PHLPP2: variants seen among roughly 807,000 people sequenced by gnomAD.
PHLPP2 encodes the protein PH domain and leucine rich repeat protein phosphatase 2.
A neutral mutation model predicts 124.9 loss-of-function variants in PHLPP2; 66 were observed. That is an observed-to-expected ratio of 0.53 (90% CI 0.43 to 0.65). PHLPP2 has a LOEUF of 0.65. Among genes scored for constraint, PHLPP2 ranks in the 30% least tolerant of loss-of-function variants. The pLI, the probability that PHLPP2 is intolerant of heterozygous loss-of-function variation, is 0.00. For synonymous variants in PHLPP2, 681 were observed against 624.7 expected (o/e 1.09, Z -1.34); for missense variants, 1,685 against 1,600.4 (o/e 1.05, Z -0.90).
intron 12 of PHLPP2, chr16:71,666,212 A>T (rs1020993912): frequency 6.6e-6 from 1 of 152,222 alleles, no homozygotes; most frequent in Non-Finnish European, 1.5e-5. Flanking sequence ...AAGAAAAGAA[A>T]AAGAAAAAAA....
At chr16:71,655,554 G>C in intron 16 of PHLPP2, 120 bp from the exon 17 acceptor site, 1 of 676,800 alleles carries the variant, frequency 1.5e-6, no homozygotes, top group East Asian at 2.8e-5. Flanking sequence ...CCAGGCTGGA[G>C]TGCAGTGGCA....
intron 3 of PHLPP2, among the ~76,000 whole-genome samples, chr16:71,699,830 C>T (rs2145366056): frequency 6.6e-6 from 1 of 152,320 alleles, no homozygotes; most frequent in Non-Finnish European, 1.5e-5. Flanking sequence ...GACGCTGCTG[C>T]AAGCCTACAC....
intron 2 of PHLPP2, among the ~76,000 whole-genome samples, chr16:71,712,112 T>C (rs955895709): frequency 1.3e-5 from 2 of 152,236 alleles, no homozygotes; most frequent in African/African-American, 4.8e-5. Context: ...TTGGAGTTAT[T>C]GTGAGGATTT....
chr16:71,694,927 G>T (rs1338597897), intron 3 of PHLPP2, among the ~76,000 whole-genome samples: 1 of 152,000 alleles, frequency 6.6e-6, no homozygotes, highest in Non-Finnish European at 1.5e-5. Flanking sequence ...TGGGACTACA[G>T]GCGCCTGCCA....
chr16:71,721,338 T>C (rs1477948702), intron 1 of PHLPP2, among the ~76,000 whole-genome samples: 1 of 152,160 alleles, frequency 6.6e-6, no homozygotes, highest in African/African-American at 2.4e-5. Flanking sequence ...CGTTTTGGGC[T>C]GGGTGCAGTG....
At chr16:71,658,526 T>TA in intron 14 of PHLPP2, 127 bp downstream of exon 14, 1 of 1,223,140 alleles carries the variant, frequency 8.2e-7, no homozygotes, top group South Asian at 1.5e-5. Context: ...AAGAAGACAA[T>TA]AATATTTTTC....
chr16:71,648,617 T>G lies in PHLPP2; in HGVS notation c.*273A>C. 1 of 369,810 alleles carries G rather than the reference T, an allele frequency of 2.7e-6. No individual in the cohort carries two copies. Among genetic ancestry groups the G allele is most frequent in the Non-Finnish European group, 4.8e-6 (1 of 208,534 alleles). The allele number at this position is 369,810 out of a possible 1,614,324, so 22.9% of individuals were successfully genotyped here. On this transcript the variant is annotated 3_prime_UTR_variant, in exon 19 of 19. Transcript: ENST00000568954. ...AAACCCCGTCTCTAAAAAAAAAAAA[T>G]AAAACTTAGCCGGGCATAATGGCAG...
At chr16:71,658,091 C>A in intron 15 of PHLPP2, 142 bp downstream of exon 15, 1 of 658,040 alleles carries the variant, frequency 1.5e-6, no homozygotes, top group South Asian at 2.8e-5. Flanking sequence ...ATAACTTAAT[C>A]AAAGAAGAGA....
intron 15 of PHLPP2, among the ~76,000 whole-genome samples, chr16:71,656,929 T>C (rs1221013232): frequency 6.6e-6 from 1 of 151,224 alleles, no homozygotes; most frequent in East Asian, 2.0e-4. Flanking sequence ...TTTGTATTTC[T>C]TTATTTTATT....
In PHLPP2 at chr16:71,714,133, T is replaced by C. The variant is rs541215230; in HGVS notation, c.284+379A>G. On this transcript the variant is annotated intron_variant, in intron 2 of 18. Transcript: ENST00000568954. ...TTTTATATTTTTAGTAGCAGCAGGG[T>C]TTCGCCATGTTGACCAGGCTGGTCT... is the stretch of plus-strand genomic sequence containing the variant. 2.6e-5 allele frequency among the ~76,000 whole-genome samples: 4 copies of C among 152,034 alleles called. No homozygotes were observed. The South Asian group carries it at 6.2e-4, about 24-fold the overall frequency.
At chr16:71,703,439 A>G (rs577587376) in intron 2 of PHLPP2, among the ~76,000 whole-genome samples, 1 of 152,338 alleles carries the variant, frequency 6.6e-6, no homozygotes, top group African/African-American at 2.4e-5. Context: ...ATGTCCTGCA[A>G]TCACTTGTGG....
Position 71,648,757 on chromosome 16 carries a change from C to G in PHLPP2, c.*133G>C, listed in dbSNP as rs2044670911. ...TTGCACTCCAGCCTGAGCGACTGAG[C>G]AAGACTCCGTCTCAAAACAAACAAA... On this transcript the variant is annotated 3_prime_UTR_variant, in exon 19 of 19. Coordinates refer to ENST00000568954, the MANE Select transcript of PHLPP2 (RefSeq NM_015020.3). The G allele has an allele frequency of 9.9e-6, 7 of 706,444 alleles. No homozygotes were observed. The highest frequency in any genetic ancestry group is 1.4e-5 in the Non-Finnish European group (6 of 418,988). 43.8% of individuals were successfully genotyped at this position (706,444 alleles called of 1,614,324 possible). A position where few individuals can be genotyped will look rare whatever the true frequency, so the allele number is the denominator to read the frequency against.
chr16:71,673,441 A>G (rs997917560), intron 9 of PHLPP2, among the ~76,000 whole-genome samples: 9 of 152,154 alleles, frequency 5.9e-5, no homozygotes, highest in Admixed American at 2.0e-4. Flanking sequence ...TGCTTTCCCT[A>G]TATTAACTGA....
chr16:71,669,534 T>A (rs2044872220), intron 10 of PHLPP2, among the ~76,000 whole-genome samples, 164 bp from the exon 11 acceptor site: 1 of 152,176 alleles, frequency 6.6e-6, no homozygotes, highest in Non-Finnish European at 1.5e-5. Flanking sequence ...AGGTGCTCAT[T>A]GAATGCTGCT....
At chr16:71,697,165 T>A (rs531555318) in intron 3 of PHLPP2, among the ~76,000 whole-genome samples, 2 of 144,116 alleles carry the variant, frequency 1.4e-5, no homozygotes, top group African/African-American at 5.3e-5. Flanking sequence ...AGAGCAAGAC[T>A]CTGTCTCAAT....
intron 3 of PHLPP2, among the ~76,000 whole-genome samples, chr16:71,699,688 A>G (rs1320989986): frequency 6.6e-6 from 1 of 152,196 alleles, no homozygotes; most frequent in African/African-American, 2.4e-5. Context: ...TCACTGGTGG[A>G]AAGCAGCCGC....
chr16:71,658,362 A>G lies in PHLPP2; in HGVS notation c.2150T>C (p.Phe717Ser). The G allele has an allele frequency of 6.2e-7, 1 of 1,611,758 alleles. No individual in the cohort carries two copies. Among genetic ancestry groups the G allele is most frequent in the East Asian group, 2.2e-5 (1 of 44,854 alleles). ...CAAGTCGTTGCAACTTAGGTCTACA[A>G]ACTAAGAAAAAATTGAGAAATCAAA... is the stretch of plus-strand genomic sequence containing the variant. ...PEILQLPQIQ[F>S]VDLSCNDLTE... Residue 717 changes from phenylalanine to serine, a missense_variant and splice_region_variant, in exon 15 of 19, where the codon TTT (phenylalanine) becomes TCT (serine). Physicochemically the swap from Phe to Ser is radical, Grantham distance 155 (BLOSUM62 -2). Transcript: ENST00000568954.
At chr16:71,675,864 C>A (rs946819502) in intron 9 of PHLPP2, among the ~76,000 whole-genome samples, 1 of 152,126 alleles carries the variant, frequency 6.6e-6, no homozygotes, top group Non-Finnish European at 1.5e-5. Flanking sequence ...GCTGGGACCA[C>A]AGGTTTGCCA....
intron 8 of PHLPP2, 142 bp downstream of exon 8, chr16:71,678,613 T>A (rs936468599): frequency 1.6e-6 from 1 of 617,274 alleles, no homozygotes; most frequent in South Asian, 2.0e-5. Context: ...GTATGCCAGC[T>A]TGGGTGACAA....
Sources: allele counts gnomAD v4.1 joint callset (sites outside exome capture counted in the v4.1 genomes callset), GRCh38; gene constraint gnomAD v4.1.1; transcripts MANE v1.5; gene names NCBI Gene and HGNC (gene_info 2026-07-23, HGNC 2026-07-21).